MYLK: variants seen among roughly 807,000 people sequenced by gnomAD.
MYLK encodes myosin light chain kinase, also known as myosin light chain kinase, smooth muscle.
Under a neutral mutation model 203.4 loss-of-function variants are expected in MYLK, and 106 were observed. That is an observed-to-expected ratio of 0.52 (90% confidence interval 0.45 to 0.61). The LOEUF is 0.61. Among genes scored for constraint, MYLK ranks in the 20% least tolerant of loss-of-function variants. MYLK has a pLI of 0.00. For missense variants in MYLK, 2,072 were observed against 2,442.3 expected (o/e 0.85, Z 3.20); for synonymous variants, 867 against 959.5 (o/e 0.90, Z 1.78).
chr3:123,851,267 T>G (rs567958850), intron 2 of MYLK, among the ~76,000 whole-genome samples: 2 of 152,334 alleles, frequency 1.3e-5, no homozygotes, highest in South Asian at 4.1e-4. Context: ...AGTAGTTTTT[T>G]CCAATTCTGT....
At chr3:123,848,883 T>C (rs543461832) in intron 2 of MYLK, among the ~76,000 whole-genome samples, 1 of 152,310 alleles carries the variant, frequency 6.6e-6, no homozygotes, top group East Asian at 1.9e-4. Flanking sequence ...GTTAAACCCC[T>C]AGGTCATTAA....
chr3:123,810,117 T>G (rs2065505797), intron 3 of MYLK, among the ~76,000 whole-genome samples: 1 of 152,206 alleles, frequency 6.6e-6, no homozygotes, highest in African/African-American at 2.4e-5. Context: ...CACCCATCAC[T>G]GTGTATTTAC....
At chr3:123,868,571 G>T (rs984390282) in intron 2 of MYLK, among the ~76,000 whole-genome samples, 3 of 152,146 alleles carry the variant, frequency 2.0e-5, no homozygotes, top group Admixed American at 1.3e-4. Context: ...AAATAAACTT[G>T]TTCAAGGTCA....
rs2064116486 is a variant in MYLK at position 123,777,332 on chromosome 3, T to C, written c.165+16345A>G. Reference sequence around the variant, plus strand: ...ACTCAGATATCCTGGCTACGAAATCTGTGCTTTCTATTCTTTCCATGGCCC... The same window carrying C: ...ACTCAGATATCCTGGCTACGAAATCCGTGCTTTCTATTCTTTCCATGGCCC... On this transcript the variant is annotated intron_variant, in intron 4 of 33. Transcript: ENST00000360304. Among the ~76,000 whole-genome samples the C allele has an allele frequency of 2.6e-5, 4 of 152,256 alleles. No individual in the cohort carries two copies. In the South Asian group the frequency reaches 8.3e-4, roughly 31 times the overall value.
chr3:123,679,870 C>T (rs1314142244), intron 20 of MYLK, among the ~76,000 whole-genome samples: 13 of 152,172 alleles, frequency 8.5e-5, no homozygotes. Flanking sequence ...GTCCCCGAGG[C>T]AGTTCCACAC....
intron 23 of MYLK, among the ~76,000 whole-genome samples, chr3:123,661,514 G>C (rs191869605): frequency 6.6e-6 from 1 of 152,228 alleles, no homozygotes; most frequent in Admixed American, 6.5e-5. Context: ...GTGAGAAAAG[G>C]GTTGTTCTTC....
chr3:123,787,520 T>C (rs1456354450), intron 4 of MYLK, among the ~76,000 whole-genome samples: 1 of 152,138 alleles, frequency 6.6e-6, no homozygotes, highest in Non-Finnish European at 1.5e-5. Flanking sequence ...ATTCATCATA[T>C]GGCAGGCATT....
chr3:123,828,647 C>A (rs2066219594), intron 3 of MYLK, among the ~76,000 whole-genome samples: 1 of 151,856 alleles, frequency 6.6e-6, no homozygotes, highest in Non-Finnish European at 1.5e-5. Context: ...GCAAGGGAAG[C>A]AAATAAAACA....
At chr3:123,797,433 G>T (rs1176766555) in intron 3 of MYLK, among the ~76,000 whole-genome samples, 1 of 152,138 alleles carries the variant, frequency 6.6e-6, no homozygotes, top group Non-Finnish European at 1.5e-5. Context: ...GTTGTTGTTT[G>T]TGTGGCGACC....
chr3:123,662,942 A>G (rs2059612976), intron 23 of MYLK, among the ~76,000 whole-genome samples: 1 of 152,128 alleles, frequency 6.6e-6, no homozygotes, highest in African/African-American at 2.4e-5. Context: ...TCACAAATGT[A>G]CCCTATAAGC....
intron 20 of MYLK, among the ~76,000 whole-genome samples, chr3:123,672,096 G>C (rs529463257): frequency 6.6e-6 from 1 of 152,148 alleles, no homozygotes; most frequent in African/African-American, 2.4e-5. Flanking sequence ...TTTAGAAATA[G>C]GGCCTTCAAA....
intron 33 of MYLK, among the ~76,000 whole-genome samples, chr3:123,615,080 G>A (rs1163202632): frequency 1.3e-5 from 2 of 151,406 alleles, no homozygotes; most frequent in Non-Finnish European, 2.9e-5. Flanking sequence ...CTCCCAAAGT[G>A]CTGGGATTAC....
chr3:123,744,570 C>T (rs1003278237), intron 5 of MYLK, among the ~76,000 whole-genome samples: 1 of 152,130 alleles, frequency 6.6e-6, no homozygotes, highest in Non-Finnish European at 1.5e-5. Context: ...TAAAACAATT[C>T]TCCGTTTTAT....
At chr3:123,722,307 G>A in intron 12 of MYLK, 27 bp from the exon 13 acceptor site, 2 of 1,558,380 alleles carry the variant, frequency 1.3e-6, no homozygotes, top group Non-Finnish European at 1.7e-6. Context: ...GGAAGGCTCA[G>A]GCCAGGCAGC....
Position 123,611,095 on chromosome 3 carries a change from T to C in MYLK, c.*3010A>G, listed in dbSNP as rs1259859154. On this transcript the variant is annotated 3_prime_UTR_variant, in exon 34 of 34. Coordinates refer to ENST00000360304, the MANE Select transcript of MYLK (RefSeq NM_053025.4). ...AAAAATAATAAATTGTTAGGGACAT[T>C]TGTGGATTGTGAGTGTCTTAAAAAT... The C allele has an allele frequency of 6.6e-6, 1 of 152,198 alleles. No homozygotes were observed. Among genetic ancestry groups the C allele is most frequent in the African/African-American group, 2.4e-5 (1 of 41,436 alleles). The allele number at this position is 152,198 out of a possible 1,614,324, so 9.4% of individuals were successfully genotyped here.
At chr3:123,653,940 G>A (rs904569624) in intron 24 of MYLK, among the ~76,000 whole-genome samples, 1 of 151,382 alleles carries the variant, frequency 6.6e-6, no homozygotes, top group Admixed American at 6.6e-5. Context: ...GCCCCCCTGG[G>A]ACCCACACTC....
chr3:123,808,088 G>T (rs1391959207), intron 3 of MYLK, among the ~76,000 whole-genome samples: 1 of 152,202 alleles, frequency 6.6e-6, no homozygotes, highest in Non-Finnish European at 1.5e-5. Context: ...TCAGCTCAAG[G>T]CCGACAGTCA....
At chr3:123,725,120 T>C (rs1174663603) in intron 12 of MYLK, among the ~76,000 whole-genome samples, 3 of 152,182 alleles carry the variant, frequency 2.0e-5, no homozygotes, top group Non-Finnish European at 4.4e-5. Context: ...CACCCTATCT[T>C]CTCATAGATA....
chr3:123,845,441 G>C (rs1019234586), intron 2 of MYLK, among the ~76,000 whole-genome samples: 1 of 152,146 alleles, frequency 6.6e-6, no homozygotes, highest in Non-Finnish European at 1.5e-5. Context: ...AGAGTTCAAA[G>C]TTGACAATGC....
Sources: gnomAD v4.1 joint callset for allele counts (sites outside exome capture counted in the v4.1 genomes callset) on GRCh38, gnomAD v4.1.1 for gene constraint, MANE v1.5 for transcripts, NCBI Gene and HGNC (gene_info 2026-07-23, HGNC 2026-07-21) for gene names.